The following GPHN variants were observed in gnomAD, a reference collection of about 807,000 sequenced individuals.
GPHN encodes the protein gephyrin.
In GPHN, 17 loss-of-function variants were observed where a neutral mutation model predicts 95.5. That is an observed-to-expected ratio of 0.18 (90% CI 0.12 to 0.27). The LOEUF (loss-of-function observed/expected upper bound fraction) is 0.27, where lower values mean the gene tolerates loss of function less well. Among genes scored for constraint, GPHN ranks in the 10% least tolerant of loss-of-function variants. GPHN has a pLI of 1.00. For missense variants in GPHN, 660 were observed against 978.1 expected (o/e 0.67, Z 4.34); for synonymous variants, 320 against 322.5 (o/e 0.99, Z 0.08).
intron 1 of GPHN, among the ~76,000 whole-genome samples, chr14:66,545,522 A>C (rs1405991684): frequency 1.2e-5 from 1 of 86,926 alleles, no homozygotes; most frequent in African/African-American, 6.2e-5. Context: ...TGACCCCCCC[A>C]CCTCCCTCCC....
chr14:67,134,355 A>G (rs1286041169), intron 17 of GPHN, among the ~76,000 whole-genome samples: 1 of 152,212 alleles, frequency 6.6e-6, no homozygotes, highest in African/African-American at 2.4e-5. Context: ...GCAATGCCAA[A>G]TAAGTTGGCT....
chr14:67,163,635 A>T (rs2082090691), intron 19 of GPHN, among the ~76,000 whole-genome samples: 1 of 152,178 alleles, frequency 6.6e-6, no homozygotes. Context: ...TCATCAAAAG[A>T]AGTCAGTGTC....
At chr14:67,157,982 G>C (rs966141244) in intron 18 of GPHN, among the ~76,000 whole-genome samples, 2 of 151,872 alleles carry the variant, frequency 1.3e-5, no homozygotes, top group Non-Finnish European at 2.9e-5. Context: ...ATGATTGGGG[G>C]GGCTAGAAAA....
At chr14:67,580,113 T>G in the GPHN span, 3 of 465,740 alleles carry the variant, frequency 6.4e-6, no homozygotes, top group Non-Finnish European at 7.8e-6. Context: ...TTCCCTCGAG[T>G]GGCTGTGCAG....
chr14:67,225,171 C>T, the GPHN span: 1 of 1,581,244 alleles, frequency 6.3e-7, no homozygotes, highest in Non-Finnish European at 8.6e-7. Context: ...TGTGCCTCAT[C>T]TGTCTGCCCC....
At chr14:66,730,953 A>G (rs1470535395) in intron 2 of GPHN, among the ~76,000 whole-genome samples, 2 of 152,126 alleles carry the variant, frequency 1.3e-5, no homozygotes, top group African/African-American at 4.8e-5. Flanking sequence ...TGATTGGATA[A>G]TGTGGGTGGT....
chr14:66,840,998 GATATAGATAT>G, intron 4 of GPHN, among the ~76,000 whole-genome samples: 1 of 138,824 alleles, frequency 7.2e-6, no homozygotes, highest in Non-Finnish European at 1.5e-5. Flanking sequence ...TATAGATATA[GATATAGATAT>G]AGATATAGAT....
chr14:66,959,116 C>T (rs1056563508), intron 8 of GPHN, among the ~76,000 whole-genome samples: 13 of 152,026 alleles, frequency 8.6e-5, no homozygotes, highest in East Asian at 3.9e-4. Context: ...CCACTACTTA[C>T]GTTATTATTT....
the GPHN span, among the ~76,000 whole-genome samples, chr14:67,212,283 A>G: frequency 1.3e-5 from 2 of 152,170 alleles, no homozygotes; most frequent in South Asian, 2.1e-4. Context: ...AAAAAAATGT[A>G]TCTTCTTTAA....
intron 2 of GPHN, among the ~76,000 whole-genome samples, chr14:66,756,636 A>ATTTGTT (rs2058566300): frequency 6.6e-6 from 1 of 152,196 alleles, no homozygotes; most frequent in African/African-American, 2.4e-5. Flanking sequence ...GACTTGAATC[A>ATTTGTT]TTTGTTTTTA....
chr14:66,591,951 A>G (rs937887143), intron 1 of GPHN, among the ~76,000 whole-genome samples: 1 of 152,218 alleles, frequency 6.6e-6, no homozygotes, highest in African/African-American at 2.4e-5. Context: ...ACTGGTACCA[A>G]AACAGATATA....
chr14:67,378,115 C>T, the GPHN span, among the ~76,000 whole-genome samples: 1 of 149,792 alleles, frequency 6.7e-6, no homozygotes, highest in African/African-American at 2.5e-5. Context: ...AGAGTGAGAC[C>T]TTGTCTCTTA....
At chr14:67,475,527 A>G in the GPHN span, among the ~76,000 whole-genome samples, 1 of 152,250 alleles carries the variant, frequency 6.6e-6, no homozygotes, top group Non-Finnish European at 1.5e-5. Flanking sequence ...AAGGGTTCCA[A>G]TTTCTCCACA....
chr14:67,724,604 C>T, the GPHN span: 1 of 1,587,740 alleles, frequency 6.3e-7, no homozygotes, highest in Non-Finnish European at 8.6e-7. Context: ...AAGTGTTTCC[C>T]CTTTAGTCTC....
intron 1 of GPHN, among the ~76,000 whole-genome samples, chr14:66,643,862 A>G (rs533190777): frequency 7.3e-5 from 11 of 151,632 alleles, no homozygotes; most frequent in Admixed American, 2.0e-4. Context: ...GATAATAACT[A>G]TAGTTAATTC....
intron 2 of GPHN, among the ~76,000 whole-genome samples, chr14:66,774,001 T>A (rs920059566): frequency 3.2e-5 from 3 of 93,798 alleles, no homozygotes; most frequent in African/African-American, 1.1e-4. Context: ...AAGTTTTTTT[T>A]TTTTTTTTTT....
intron 8 of GPHN, among the ~76,000 whole-genome samples, chr14:66,946,642 A>G (rs1411861054): frequency 1.3e-5 from 2 of 152,078 alleles, no homozygotes; most frequent in Non-Finnish European, 2.9e-5. Context: ...TGACCTCATG[A>G]TCTGACCACC....
At chr14:67,302,555 A>G in the GPHN span, 1 of 1,531,988 alleles carries the variant, frequency 6.5e-7, no homozygotes, top group Non-Finnish European at 8.8e-7. Context: ...GATGTCAATG[A>G]GGTTTTTGAC....
In GPHN at chr14:66,706,782, G is replaced by A. The variant is rs189579122; in HGVS notation, c.143+25597G>A. Among the ~76,000 whole-genome samples the A allele has an allele frequency of 2.5e-3, 387 of 152,132 alleles. 1 individual carries two copies. Among genetic ancestry groups the A allele is most frequent in the African/African-American group, 9.0e-3 (372 of 41,506 alleles). On this transcript the variant is annotated intron_variant, in intron 2 of 22. Transcript: ENST00000478722. ...AGACTTCTTGACAAAAATGCCAAAA[G>A]CAATTGCAACAAAACCCAAAATTGA... is the stretch of plus-strand genomic sequence containing the variant.
Sources: gnomAD v4.1 joint callset for allele counts (sites outside exome capture counted in the v4.1 genomes callset) on GRCh38, gnomAD v4.1.1 for gene constraint, MANE v1.5 for transcripts, NCBI Gene and HGNC (gene_info 2026-07-23, HGNC 2026-07-21) for gene names.